Variants in C14orf39 observed in about 807,000 individuals in gnomAD.
C14orf39 encodes protein SIX6OS1.
C14orf39 carries 66 observed loss-of-function variants against 85.6 expected under a neutral mutation model. The ratio of observed to expected loss-of-function variants is 0.77; its 90% CI spans 0.63 to 0.95. The LOEUF (loss-of-function observed/expected upper bound fraction) is 0.95. Among genes scored for constraint, C14orf39 ranks in the 40% least tolerant of loss-of-function variants. C14orf39 has a pLI of 0.00. For synonymous variants in C14orf39, 242 were observed against 214.0 expected, an observed-to-expected ratio of 1.13 and a Z score of -1.14; for missense variants, 735 against 663.9, an observed-to-expected ratio of 1.11 and a Z score of -1.18.
chr14:60,510,168 TC>T (rs1468551434), intron 1 of C14orf39, among the ~76,000 whole-genome samples: 2 of 152,068 alleles, frequency 1.3e-5, no homozygotes, highest in Non-Finnish European at 2.9e-5. Flanking sequence ...ACCCGCTGGC[TC>T]CCCACGCCTG....
chr14:60,456,426 C>CT (rs11417576), intron 15 of C14orf39, among the ~76,000 whole-genome samples: 115,842 of 142,392 alleles, frequency 0.81, 48,176 homozygotes, highest in Non-Finnish European at 0.91. Flanking sequence ...TTTAGCTTGA[C>CT]TTTTTTTTTT....
At chr14:60,444,518 C>T (rs538633844) in intron 16 of C14orf39, among the ~76,000 whole-genome samples, 10 of 152,162 alleles carry the variant, frequency 6.6e-5, no homozygotes, top group Admixed American at 5.2e-4. Context: ...TAAAAAGAAA[C>T]AAACGAAGCC....
chr14:60,453,916 G>A (rs1891146380), intron 16 of C14orf39, among the ~76,000 whole-genome samples: 1 of 151,752 alleles, frequency 6.6e-6, no homozygotes, highest in African/African-American at 2.4e-5. Context: ...ATGTGTTTAT[G>A]TATTCATTAA....
chr14:60,498,280 C>T (rs1893096503), intron 2 of C14orf39, among the ~76,000 whole-genome samples: 1 of 152,220 alleles, frequency 6.6e-6, no homozygotes, highest in Non-Finnish European at 1.5e-5. Context: ...GGCTCCCTTA[C>T]TAATGTTGAA....
At chr14:60,445,304 C>T (rs1890711076) in intron 16 of C14orf39, among the ~76,000 whole-genome samples, 1 of 152,164 alleles carries the variant, frequency 6.6e-6, no homozygotes, top group Non-Finnish European at 1.5e-5. Flanking sequence ...CATCACTGTG[C>T]TGTATTCAGG....
chr14:60,480,405 G>T (rs1595483726), intron 4 of C14orf39, among the ~76,000 whole-genome samples: 1 of 152,142 alleles, frequency 6.6e-6, no homozygotes, highest in Non-Finnish European at 1.5e-5. Flanking sequence ...TCCAGCCTGG[G>T]TGACAAGAGT....
intron 4 of C14orf39, among the ~76,000 whole-genome samples, chr14:60,479,865 A>T (rs1892559358): frequency 6.6e-6 from 1 of 152,196 alleles, no homozygotes; most frequent in Admixed American, 6.5e-5. Flanking sequence ...TCATTTAACC[A>T]GTTCCCTAAT....
chr14:60,437,869 A>C (rs1325314913), intron 17 of C14orf39, among the ~76,000 whole-genome samples: 2 of 152,084 alleles, frequency 1.3e-5, no homozygotes, highest in East Asian at 3.9e-4. Context: ...ATAAGCTTTA[A>C]ATGTAGCTCT....
At chr14:60,441,996 G>T in intron 17 of C14orf39, 78 bp downstream of exon 17, 1 of 950,262 alleles carries the variant, frequency 1.1e-6, no homozygotes, top group Non-Finnish European at 1.6e-6. Flanking sequence ...GAGCACCTAA[G>T]AAAATAAGTT....
chr14:60,458,761 CTA>C (rs767281180), intron 13 of C14orf39, 22 bp from the exon 14 acceptor site: 5 of 1,550,308 alleles, frequency 3.2e-6, no homozygotes, highest in South Asian at 1.2e-5. Flanking sequence ...TGAGAACAAA[CTA>C]TTTTTCTTTT....
rs1893346812 is a variant in C14orf39, at chr14:60,515,140, G to T, written c.-144+255C>A. 2 of 152,012 alleles carry T rather than the reference G, an allele frequency of 1.3e-5. No homozygotes were observed. The highest frequency in any genetic ancestry group is 4.1e-4 in the South Asian group (2 of 4,836). The allele number at this position is 152,012 out of a possible 1,614,324, so 9.4% of individuals were successfully genotyped here. On this transcript the variant is annotated intron_variant, in intron 1 of 5. Coordinates refer to the C14orf39 transcript ENST00000556799. This position sits in a 1 kb window ranked among gnomAD's most constrained non-coding sequence, Gnocchi z 6.2. The stretch of plus-strand genomic sequence containing the variant: ...CTGCCTGCGCCGCGCGGCTACCCCC[G>T]TGCCCGGCGCCGCCGACGGGAAGGC...
At chr14:60,488,445 T>C (rs1251819135), upstream of C14orf39, among the ~76,000 whole-genome samples, 3 of 152,174 alleles carry the variant, frequency 2.0e-5, no homozygotes, top group Non-Finnish European at 4.4e-5. Context: ...TGAATTACAG[T>C]GCTCCATTTG....
chr14:60,442,170 A>G (rs766279166), intron 16 of C14orf39, 39 bp from the exon 17 acceptor site: 1 of 1,322,712 alleles, frequency 7.6e-7, no homozygotes, highest in East Asian at 2.3e-5. Flanking sequence ...TTGTGAAATC[A>G]GTAGGACAGT....
Position 60,471,568 on chromosome 14 carries a change from A to G in C14orf39, c.495T>C (p.Ile165=), listed in dbSNP as rs1411670596. 3.1e-6 allele frequency: 5 copies of G among 1,592,762 alleles called. No individual in the cohort carries two copies. The highest frequency in any genetic ancestry group is 1.7e-4 in the Middle Eastern group (1 of 5,930). The change falls in exon 6 of 18, where the codon ATT becomes ATC. Residue 165 remains isoleucine, a synonymous_variant. Coordinates refer to ENST00000321731, the MANE Select transcript of C14orf39 (RefSeq NM_174978.3). The part of the protein sequence containing the change: ...CTEQLKMNET[I]FMKFRVPAPF... ...TATTAATACCTCGAAATTTCATAAAAATTGTTTCATTCATTTTTAATTGTT... is the reference window on the plus strand; with the variant it reads ...TATTAATACCTCGAAATTTCATAAAGATTGTTTCATTCATTTTTAATTGTT...
chr14:60,480,427 T>C (rs1019061535), intron 4 of C14orf39, among the ~76,000 whole-genome samples: 3 of 151,914 alleles, frequency 2.0e-5, no homozygotes, highest in African/African-American at 7.3e-5. Flanking sequence ...AAACTCCATC[T>C]CAAAAAATAA....
intron 16 of C14orf39, among the ~76,000 whole-genome samples, chr14:60,445,343 T>C (rs575966680): frequency 6.6e-5 from 10 of 152,032 alleles, no homozygotes; most frequent in African/African-American, 9.7e-5. Context: ...GAGACACACA[T>C]AGGCTCAAAA....
chr14:60,464,908 T>C (rs1054902200), intron 11 of C14orf39, among the ~76,000 whole-genome samples: 1 of 152,126 alleles, frequency 6.6e-6, no homozygotes, highest in Non-Finnish European at 1.5e-5. Context: ...AACTGTTTTA[T>C]TTTTACCCCC....
chr14:60,473,022 C>T (rs1301523501), intron 5 of C14orf39, among the ~76,000 whole-genome samples: 1 of 152,198 alleles, frequency 6.6e-6, no homozygotes, highest in Non-Finnish European at 1.5e-5. Flanking sequence ...GTCCCACCAA[C>T]AGTGTAAAAG....
In C14orf39 at chr14:60,495,879, G is replaced by A. The variant is rs1336779532; in HGVS notation, c.-9+3417C>T. On this transcript the variant is annotated intron_variant, in intron 2 of 5. Transcript: ENST00000556799. ...TGGAAAGGTCTAGCACTACAGTATA[G>A]AATATAGAAAGAACTCTGGAAGAGC... is the stretch of plus-strand genomic sequence containing the variant. The A allele has an allele frequency of 3.3e-5, 13 of 388,628 alleles. No homozygotes were observed. The Admixed American group carries it at 3.3e-4, about 10-fold the overall frequency. The allele number at this position is 388,628 out of a possible 1,614,324, so 24.1% of individuals were successfully genotyped here.
Sources: allele counts gnomAD v4.1 joint callset (sites outside exome capture counted in the v4.1 genomes callset), GRCh38; gene constraint gnomAD v4.1.1; non-coding constraint Gnocchi (gnomAD v3.1); transcripts MANE v1.5; gene names NCBI Gene and HGNC (gene_info 2026-07-23, HGNC 2026-07-21).